The following PEX5 variants were observed in gnomAD, a reference collection of about 807,000 sequenced individuals.
PEX5 encodes peroxisomal biogenesis factor 5.
PEX5 carries 52 observed loss-of-function variants against 82.9 expected under a neutral mutation model. The ratio of observed to expected loss-of-function variants is 0.63; its 90% CI spans 0.50 to 0.79. The LOEUF (loss-of-function observed/expected upper bound fraction) is 0.79, where lower values mean the gene tolerates loss of function less well. Ranked by LOEUF, PEX5 falls within the 30% of genes least tolerant of loss-of-function variation. The pLI is 0.00. For missense variants in PEX5, 719 were observed against 815.2 expected, an observed-to-expected ratio of 0.88 and a Z score of 1.44; for synonymous variants, 300 against 318.8, an observed-to-expected ratio of 0.94 and a Z score of 0.63.
intron 5 of PEX5, among the ~76,000 whole-genome samples, chr12:7,195,207 G>A (rs763099416): frequency 1.1e-4 from 16 of 152,280 alleles, no homozygotes; most frequent in Middle Eastern, 3.4e-3. Context: ...AGTAAACAAC[G>A]AGAAATTATA....
Position 7,201,790 on chromosome 12 carries a change from G to T in PEX5, c.591G>T (p.Thr197=). ...EYHPEEDLQH[T]ASDFVAKVDD... is the part of the protein sequence containing the mutation. ...ATCCTGAGGAGGATCTGCAGCACACGGCCAGTGACTTTGTGGCCAAAGTGG... is the reference window on the plus strand; with the variant it reads ...ATCCTGAGGAGGATCTGCAGCACACTGCCAGTGACTTTGTGGCCAAAGTGG... The change falls in exon 7 of 16, where the codon ACG becomes ACT. Residue 197 remains threonine (T), a synonymous_variant. Transcript: ENST00000675855. The T allele has an allele frequency of 1.2e-6, 2 of 1,613,976 alleles. No individual in the cohort carries two copies. The highest frequency in any genetic ancestry group is 1.7e-5 in the Admixed American group (1 of 60,028).
intron 17 of PEX5, among the ~76,000 whole-genome samples, chr12:7,218,010 C>G (rs1945827332): frequency 6.6e-6 from 1 of 152,124 alleles, no homozygotes; most frequent in Non-Finnish European, 1.5e-5. Context: ...GTTAGTTAGT[C>G]TAACTAATAT....
At chr12:7,211,634 G>A (rs961357972), downstream of PEX5, among the ~76,000 whole-genome samples, 1 of 151,632 alleles carries the variant, frequency 6.6e-6, no homozygotes, top group Non-Finnish European at 1.5e-5. Flanking sequence ...CAGGGTCCCT[G>A]TTCTCTGGGC....
At chr12:7,202,217 C>T (rs981072330) in intron 7 of PEX5, 24 bp from the exon 8 acceptor site, 4 of 1,613,866 alleles carry the variant, frequency 2.5e-6, no homozygotes, top group Non-Finnish European at 3.4e-6. Context: ...TCCCAAGTGG[C>T]CTGTGTGTGT....
At chr12:7,190,100 C>T (rs1419549347) in intron 1 of PEX5, 11 of 1,488,974 alleles carry the variant, frequency 7.4e-6, no homozygotes, top group African/African-American at 1.4e-5. Context: ...CAGCTGCTGG[C>T]CCCCAGCCCA....
intron 10 of PEX5, among the ~76,000 whole-genome samples, chr12:7,205,911 T>C (rs1944703248): frequency 6.6e-6 from 1 of 152,204 alleles, no homozygotes; most frequent in South Asian, 2.1e-4. Flanking sequence ...TAAGGAAGTA[T>C]CTAGAGCAGT....
At position 7,210,832 on chromosome 12, in the gene PEX5, C is replaced by A; in HGVS notation, c.*609C>A. On this transcript the variant is annotated 3_prime_UTR_variant, in exon 16 of 16. Transcript: ENST00000675855. ...GTGAGCACGATGCTGATGCAATAGT[C>A]CTGTGTCATCACTGCAGCGGTCCTC... 1 of 188,966 alleles carries A rather than the reference C, an allele frequency of 5.3e-6. No individual in the cohort carries two copies. The highest frequency in any genetic ancestry group is 1.1e-5 in the Non-Finnish European group (1 of 89,398). 11.7% of individuals were successfully genotyped at this position (188,966 alleles called of 1,614,324 possible).
chr12:7,191,841 T>C (rs979863671), intron 5 of PEX5, 141 bp downstream of exon 5: 1 of 781,146 alleles, frequency 1.3e-6, no homozygotes, highest in Non-Finnish European at 2.2e-6. Flanking sequence ...GAACTCAATT[T>C]CCCTTAGGTG....
downstream of PEX5, among the ~76,000 whole-genome samples, chr12:7,212,530 A>G (rs1002585677): frequency 1.3e-5 from 2 of 151,676 alleles, no homozygotes; most frequent in Admixed American, 1.3e-4. Context: ...CAACTGGGTA[A>G]GTAAATTGTC....
At chr12:7,208,130 A>ATTC in intron 12 of PEX5, 50 bp downstream of exon 12, 1 of 1,356,972 alleles carries the variant, frequency 7.4e-7, no homozygotes, top group Non-Finnish European at 1.1e-6. Flanking sequence ...CTCTGCATAT[A>ATTC]ACCTTTTGAA....
Position 7,211,314 on chromosome 12 carries a change from T to C in PEX5, c.*1091T>C, listed in dbSNP as rs757349665. 1 of 152,326 alleles carries C rather than the reference T, an allele frequency of 6.6e-6. No homozygotes were observed. The highest frequency in any genetic ancestry group is 1.5e-5 in the Non-Finnish European group (1 of 68,038). The allele number at this position is 152,326 out of a possible 1,614,324, so 9.4% of individuals were successfully genotyped here. ...CCCCCAGAAATGACTGCTAAGCCTC[T>C]TGCCTTGTCTTTAGTAGCTAATGAT... On this transcript the variant is annotated 3_prime_UTR_variant, in exon 16 of 16. Coordinates refer to ENST00000675855, the MANE Select transcript of PEX5 (RefSeq NM_001351132.2).
intron 5 of PEX5, among the ~76,000 whole-genome samples, chr12:7,192,822 C>T (rs781758371): frequency 1.3e-5 from 2 of 152,138 alleles, no homozygotes; most frequent in African/African-American, 4.8e-5. Flanking sequence ...CATTGCTCCT[C>T]GCATCCTTTA....
chr12:7,190,208 C>T (rs960435243), intron 1 of PEX5, 154 bp from the exon 2 acceptor site: 6 of 1,568,498 alleles, frequency 3.8e-6, no homozygotes, highest in Non-Finnish European at 5.2e-6. Flanking sequence ...CCTCGAACTC[C>T]TGGCAGAGGT....
intron 5 of PEX5, among the ~76,000 whole-genome samples, chr12:7,196,593 T>C (rs1256305782): frequency 1.3e-3 from 17 of 13,110 alleles, no homozygotes; most frequent in African/African-American, 2.3e-3. Flanking sequence ...ATATGTCACA[T>C]AATGTAATAA....
At chr12:7,208,813 G>T in intron 13 of PEX5, 144 bp downstream of exon 13, 1 of 892,014 alleles carries the variant, frequency 1.1e-6, no homozygotes, top group Admixed American at 1.9e-5. Context: ...GTTGAAGGAG[G>T]TCTGCATTCT....
chr12:7,200,375 G>A (rs1305075933), intron 6 of PEX5, among the ~76,000 whole-genome samples: 2 of 149,772 alleles, frequency 1.3e-5, no homozygotes, highest in African/African-American at 2.5e-5. Context: ...ATGGGATGGC[G>A]GCCGGGCAGA....
At chr12:7,196,269 TTTATATATGTCATATATAATTTAA>T (rs1942172579) in intron 5 of PEX5, among the ~76,000 whole-genome samples, 1 of 66,928 alleles carries the variant, frequency 1.5e-5, no homozygotes, top group African/African-American at 3.9e-5. Context: ...TATGTCATAA[TTTATATATGTCATATATAATTTAA>T]TTATATGTCA....
At chr12:7,197,144 A>ATAATTATATATGTCATATATAATG (rs1378484986) in intron 5 of PEX5, among the ~76,000 whole-genome samples, 284 of 5,670 alleles carry the variant, frequency 0.05, 121 homozygotes, top group Non-Finnish European at 0.13. Flanking sequence ...ATATAATGTA[A>ATAATTATATATGTCATATATAATG]TAATTATATA....
At chr12:7,199,209 CTTTTTT>C (rs5796268) in intron 6 of PEX5, 96 bp downstream of exon 6, 36 of 396,758 alleles carry the variant, frequency 9.1e-5, no homozygotes, top group African/African-American at 6.4e-4. Context: ...TTACTTTATT[CTTTTTT>C]TTTTTTTTTT....
Sources: allele counts gnomAD v4.1 joint callset (sites outside exome capture counted in the v4.1 genomes callset), GRCh38; gene constraint gnomAD v4.1.1; transcripts MANE v1.5; gene names NCBI Gene and HGNC (gene_info 2026-07-23, HGNC 2026-07-21).